KCNH1: variants seen among roughly 807,000 people sequenced by gnomAD.
KCNH1 encodes voltage-gated delayed rectifier potassium channel KCNH1.
Under a neutral mutation model 69.2 loss-of-function variants are expected in KCNH1, and 27 were observed. The observed-to-expected ratio is 0.39, with a 90% confidence interval of 0.29 to 0.54. The LOEUF (loss-of-function observed/expected upper bound fraction) is 0.54, where lower values mean the gene tolerates loss of function less well. Ranked by LOEUF, KCNH1 falls within the 20% of genes least tolerant of loss-of-function variation. The pLI is 0.68. For synonymous variants in KCNH1, 456 were observed against 487.7 expected (o/e 0.93, Z 0.86); for missense variants, 798 against 1,261.6 (o/e 0.63, Z 5.57).
At chr1:210,929,264 T>C (rs912589032) in intron 6 of KCNH1, among the ~76,000 whole-genome samples, 3 of 152,046 alleles carry the variant, frequency 2.0e-5, no homozygotes, top group African/African-American at 4.8e-5. Flanking sequence ...TGAACATAGA[T>C]TAAAAAATCC....
chr1:210,857,458 G>A (rs531182611), intron 7 of KCNH1, among the ~76,000 whole-genome samples: 1 of 152,128 alleles, frequency 6.6e-6, no homozygotes, highest in East Asian at 1.9e-4. Context: ...TCGCATGGGG[G>A]TGGGGGTGAG....
At chr1:211,010,930 G>A (rs1689379519) in intron 6 of KCNH1, among the ~76,000 whole-genome samples, 1 of 152,100 alleles carries the variant, frequency 6.6e-6, no homozygotes, top group African/African-American at 2.4e-5. Context: ...TCAACAGAGG[G>A]GAGTCAGACA....
intron 9 of KCNH1, among the ~76,000 whole-genome samples, chr1:210,780,084 C>T (rs1683947359): frequency 6.6e-6 from 1 of 152,120 alleles, no homozygotes; most frequent in Admixed American, 6.6e-5. Flanking sequence ...AATGGGATTA[C>T]CAGGGTGAAT....
intron 7 of KCNH1, among the ~76,000 whole-genome samples, chr1:210,857,128 A>G (rs1184758256): frequency 6.6e-6 from 1 of 151,840 alleles, no homozygotes; most frequent in Non-Finnish European, 1.5e-5. Flanking sequence ...GGTGATCTGT[A>G]TGCACATTAA....
chr1:210,718,349 T>TGCATAA (rs1682321971), intron 10 of KCNH1, among the ~76,000 whole-genome samples: 1 of 110,882 alleles, frequency 9.0e-6, no homozygotes, highest in Non-Finnish European at 1.7e-5. Flanking sequence ...TATATATGTA[T>TGCATAA]ATATACATAT....
At chr1:210,777,053 A>G (rs906071553) in intron 9 of KCNH1, among the ~76,000 whole-genome samples, 9 of 152,206 alleles carry the variant, frequency 5.9e-5, no homozygotes, top group Non-Finnish European at 1.0e-4. Flanking sequence ...AAAGTAATGT[A>G]TTCAAGGGAG....
intron 8 of KCNH1, among the ~76,000 whole-genome samples, chr1:210,801,913 A>G (rs555888899): frequency 1.7e-4 from 26 of 152,328 alleles, no homozygotes; most frequent in Middle Eastern, 6.8e-3. Flanking sequence ...TCTCTAGTAC[A>G]TGTTTTAAAT....
intron 6 of KCNH1, among the ~76,000 whole-genome samples, chr1:210,932,221 A>G (rs1687692224): frequency 6.6e-6 from 1 of 152,200 alleles, no homozygotes; most frequent in Admixed American, 6.5e-5. Context: ...TAAAAACAGC[A>G]AGAGAAAAAG....
intron 7 of KCNH1, among the ~76,000 whole-genome samples, chr1:210,867,362 CATAT>C (rs915065010): frequency 0.011 from 751 of 67,320 alleles, 5 homozygotes; most frequent in Non-Finnish European, 0.02. Flanking sequence ...CACACACACA[CATAT>C]ATATATATAT....
intron 10 of KCNH1, among the ~76,000 whole-genome samples, chr1:210,765,630 G>A (rs943051072): frequency 1.3e-5 from 2 of 152,178 alleles, no homozygotes; most frequent in African/African-American, 4.8e-5. Flanking sequence ...TGCAGAGGCT[G>A]AGAGACCTCT....
chr1:210,954,373 A>C (rs1483650211), intron 6 of KCNH1, among the ~76,000 whole-genome samples: 1 of 152,216 alleles, frequency 6.6e-6, no homozygotes, highest in Non-Finnish European at 1.5e-5. Flanking sequence ...ATATATGTGC[A>C]TGTGTCTTTA....
At position 210,683,621 on chromosome 1, in the gene KCNH1, GTC is replaced by G; in HGVS notation, c.2628_2629del (p.Lys876AsnfsTer5). 6.2e-7 allele frequency: 1 copy of G among 1,614,216 alleles called. No homozygotes were observed. The highest frequency in any genetic ancestry group is 8.5e-7 in the Non-Finnish European group (1 of 1,180,050). ...GGTGATGCCACTGTCACACGAGTCT[GTC>G]TTCTTCAGTGTGGCCTCGCCTGACG... On this transcript the variant is annotated frameshift_variant, in exon 11 of 11. Coordinates refer to ENST00000271751, the MANE Select transcript of KCNH1 (RefSeq NM_172362.3). LOFTEE classifies it low-confidence loss of function (END_TRUNC). This position sits in a 1 kb window ranked among gnomAD's most constrained non-coding sequence, Gnocchi z 5.7.
chr1:211,109,941 T>C (rs1326664304), intron 1 of KCNH1, among the ~76,000 whole-genome samples: 2 of 148,712 alleles, frequency 1.3e-5, no homozygotes, highest in African/African-American at 5.0e-5. Flanking sequence ...TTAAAATGAA[T>C]AGCAATTAAA....
intron 7 of KCNH1, among the ~76,000 whole-genome samples, chr1:210,805,514 G>A (rs1684532424): frequency 6.6e-6 from 1 of 151,818 alleles, no homozygotes; most frequent in South Asian, 2.1e-4. Flanking sequence ...CTCTCTTCTG[G>A]CAACACAGAT....
intron 7 of KCNH1, among the ~76,000 whole-genome samples, chr1:210,856,283 AATCCC>A (rs1685835626): frequency 1.3e-5 from 2 of 152,202 alleles, no homozygotes; most frequent in Admixed American, 1.3e-4. Flanking sequence ...CGCCTGGAAT[AATCCC>A]ACTCACATAA....
At chr1:210,962,280 C>A (rs896260312) in intron 6 of KCNH1, among the ~76,000 whole-genome samples, 1 of 152,154 alleles carries the variant, frequency 6.6e-6, no homozygotes, top group Non-Finnish European at 1.5e-5. Flanking sequence ...GATCATTCTC[C>A]TTGATTGTCT....
intron 5 of KCNH1, among the ~76,000 whole-genome samples, chr1:211,056,494 G>A (rs1448515550): frequency 6.6e-6 from 1 of 152,188 alleles, no homozygotes; most frequent in Non-Finnish European, 1.5e-5. Context: ...AAACAAGCCT[G>A]CCTGGATTTG....
At chr1:211,079,162 A>T (rs1690798757) in intron 5 of KCNH1, among the ~76,000 whole-genome samples, 1 of 152,186 alleles carries the variant, frequency 6.6e-6, no homozygotes, top group African/African-American at 2.4e-5. Flanking sequence ...AGAAATACAA[A>T]CTACCATCAG....
chr1:210,719,430 C>T (rs946213044), intron 10 of KCNH1, among the ~76,000 whole-genome samples: 5 of 152,120 alleles, frequency 3.3e-5, no homozygotes, highest in African/African-American at 1.2e-4. Context: ...TCATTCTCAG[C>T]AAACTAACAC....
Sources: allele counts gnomAD v4.1 joint callset (sites outside exome capture counted in the v4.1 genomes callset), GRCh38; gene constraint gnomAD v4.1.1; non-coding constraint Gnocchi (gnomAD v3.1); transcripts MANE v1.5; gene names NCBI Gene and HGNC (gene_info 2026-07-23, HGNC 2026-07-21).